BCAR1: variants seen among roughly 807,000 people sequenced by gnomAD.
BCAR1 encodes BCAR1 scaffold protein, Cas family member.
In BCAR1, 30 loss-of-function variants were observed where a neutral mutation model predicts 67.6. That is an observed-to-expected ratio of 0.44 (90% CI 0.33 to 0.60). The LOEUF is 0.60. BCAR1 is among the 20% of genes least tolerant of loss of function. The probability of loss-of-function intolerance (pLI) is 0.02; values close to 1 mark genes in which losing one functional copy is unlikely to be tolerated. For synonymous variants in BCAR1, 626 were observed against 556.7 expected, an observed-to-expected ratio of 1.12 and a Z score of -1.75; for missense variants, 1,313 against 1,222.3, an observed-to-expected ratio of 1.07 and a Z score of -1.11.
At position 75,259,552 on chromosome 16, in the gene BCAR1, C is replaced by A. The variant is rs374360985; in HGVS notation, c.66+8363G>T. On this transcript the variant is annotated intron_variant, in intron 1 of 6. Transcript: ENST00000393422. ...CATCCATTACTGGAACATTACTCAG[C>A]AACAAAAAAGAATAAACTGGCCGGG... Among the ~76,000 whole-genome samples the A allele has an allele frequency of 3.3e-5, 5 of 152,206 alleles. No homozygotes were observed. The East Asian group carries it at 7.7e-4, about 24-fold the overall frequency.
At chr16:75,257,155 T>C (rs1252275298) in intron 1 of BCAR1, among the ~76,000 whole-genome samples, 1 of 152,148 alleles carries the variant, frequency 6.6e-6, no homozygotes, top group Non-Finnish European at 1.5e-5. Context: ...TGGGCAGGGA[T>C]GAGGGTGTGG....
At chr16:75,246,772 G>GC (rs1365354164) in intron 1 of BCAR1, 1 of 152,376 alleles carries the variant, frequency 6.6e-6, no homozygotes, top group Non-Finnish European at 1.5e-5. Flanking sequence ...CGGAACCCCT[G>GC]CCATGCTTCA....
At chr16:75,250,679 C>A in intron 1 of BCAR1, 2 of 985,522 alleles carry the variant, frequency 2.0e-6, no homozygotes, top group Non-Finnish European at 2.4e-6. Flanking sequence ...CTCGGTCCAG[C>A]GATCAGCCTC....
chr16:75,248,081 G>A (rs1178445525), intron 1 of BCAR1: 2 of 1,589,368 alleles, frequency 1.3e-6, no homozygotes, highest in Admixed American at 3.3e-5. Flanking sequence ...GGAAAACCAA[G>A]GCTCAGAAGC....
chr16:75,235,195 G>T lies in BCAR1; in HGVS notation c.1704C>A (p.Gly568=). 1 of 1,607,972 alleles carries T rather than the reference G, an allele frequency of 6.2e-7. No homozygotes were observed. The highest frequency in any genetic ancestry group is 8.5e-7 in the Non-Finnish European group (1 of 1,178,490). ...HGQALDAGRG[G]SGATLEDLDR... is the part of the protein sequence containing the mutation. Reference sequence around the variant, plus strand: ...CCAGGTCCTCAAGGGTGGCTCCAGAGCCTCCCCGGCCAGCGTCGAGGGCCT... The same window carrying T: ...CCAGGTCCTCAAGGGTGGCTCCAGATCCTCCCCGGCCAGCGTCGAGGGCCT... Residue 568 remains glycine (G), a synonymous_variant, in exon 5 of 7, where the codon GGC becomes GGA. Transcript: ENST00000162330.
In BCAR1 at chr16:75,229,570, C is replaced by T; in HGVS notation, c.2554G>A (p.Glu852Lys). The T allele has an allele frequency of 6.2e-7, 1 of 1,609,430 alleles. No individual in the cohort carries two copies. Among genetic ancestry groups the T allele is most frequent in the Non-Finnish European group, 8.5e-7 (1 of 1,178,862 alleles). ...AACTGCTGGGTGCTGTGGCCCAGCT[C>T]CTTGACCCTCTCCACCATGTCCTGG... The part of the protein sequence containing the change: ...AAQDMVERVK[E>K]LGHSTQQFRR... Residue 852 changes from glutamate (E) to lysine (K), a missense_variant, in exon 7 of 7, where the codon GAG becomes AAG. Glu to Lys is a moderately conservative substitution (Grantham distance 56). This residue lies in a region of BCAR1 where 1,272 missense variants were observed against 1,137.5 expected (regional missense o/e 1.12). Coordinates refer to ENST00000162330, the MANE Select transcript of BCAR1 (RefSeq NM_014567.5).
At chr16:75,259,655 A>C (rs2077854781) in intron 1 of BCAR1, among the ~76,000 whole-genome samples, 1 of 151,896 alleles carries the variant, frequency 6.6e-6, no homozygotes, top group Non-Finnish European at 1.5e-5. Flanking sequence ...GATTGAGACC[A>C]TCCTGGCTAA....
chr16:75,240,272 C>T (rs1210662516), intron 2 of BCAR1, among the ~76,000 whole-genome samples: 2 of 152,212 alleles, frequency 1.3e-5, no homozygotes, highest in South Asian at 4.1e-4. Flanking sequence ...AACTGGGAGA[C>T]TCAGTTTCCC....
chr16:75,260,310 C>A (rs146545936), intron 1 of BCAR1, among the ~76,000 whole-genome samples: 5 of 152,066 alleles, frequency 3.3e-5, no homozygotes, highest in Non-Finnish European at 7.4e-5. Flanking sequence ...TATTTTGATT[C>A]GATTGATGGC....
Position 75,237,185 on chromosome 16 carries a change from C to T in BCAR1, c.793G>A (p.Glu265Lys). 1.9e-6 allele frequency: 3 copies of T among 1,572,800 alleles called. No homozygotes were observed. Among genetic ancestry groups the T allele is most frequent in the Non-Finnish European group, 2.6e-6 (3 of 1,161,746 alleles). ...ACCGCTGCGCACCCCACACCTACCT[C>T]CTGGCCATACTGGCTGGGAAGCAGC... is the stretch of plus-strand genomic sequence containing the variant. ...RGLLPSQYGQEVYDTPPMAVK... is the reference protein window; with the variant it reads ...RGLLPSQYGQKVYDTPPMAVK... The change falls in exon 3 of 7, where the codon GAG becomes AAG. Residue 265 changes from glutamate to lysine, a missense_variant and splice_region_variant. Glu to Lys is a moderately conservative substitution (Grantham distance 56, BLOSUM62 1). Around this residue, in one of 2 missense-constraint regions of BCAR1, gnomAD observed 1,272 missense variants for 1,137.5 expected, o/e 1.12. Transcript: ENST00000162330.
intron 5 of BCAR1, among the ~76,000 whole-genome samples, 199 bp from the exon 6 acceptor site, chr16:75,234,134 C>T (rs528049161): frequency 6.6e-6 from 1 of 150,924 alleles, no homozygotes; most frequent in Non-Finnish European, 1.5e-5. Context: ...AACACACACA[C>T]AGACTGGCAC....
At chr16:75,238,930 C>A (rs1020704600) in intron 2 of BCAR1, 18 of 985,394 alleles carry the variant, frequency 1.8e-5, no homozygotes, top group Non-Finnish European at 2.2e-5. Context: ...CAGCCAGGAC[C>A]CAGCACCAGC....
chr16:75,237,965 CCT>C, intron 2 of BCAR1: 1 of 1,172,370 alleles, frequency 8.5e-7, no homozygotes, highest in Middle Eastern at 2.4e-4. Flanking sequence ...ACCAAGGCCC[CCT>C]CCCTGCCGCG....
chr16:75,245,782 G>T (rs1219045507), intron 1 of BCAR1, among the ~76,000 whole-genome samples: 1 of 151,954 alleles, frequency 6.6e-6, no homozygotes, highest in African/African-American at 2.4e-5. Context: ...CAGCTGGCCA[G>T]GGCCCCCGCC....
At chr16:75,256,480 G>A (rs2077779466), upstream of BCAR1, among the ~76,000 whole-genome samples, 1 of 151,556 alleles carries the variant, frequency 6.6e-6, no homozygotes, top group Non-Finnish European at 1.5e-5. Context: ...CAAGGTGTGT[G>A]GGCAGAGCTG....
In BCAR1 at chr16:75,245,957, G is replaced by T. The variant is rs1313200713; in HGVS notation, c.13-2867C>A. ...CTGGATGACAGCCCTCATTTCATAG[G>T]ATTGTTCTTTTTTTTTTTTTTTTTT... On this transcript the variant is annotated intron_variant, in intron 1 of 6. Transcript: ENST00000162330. 4.3e-5 allele frequency: 3 copies of T among 69,050 alleles called. 1 individual carries two copies. Among genetic ancestry groups the T allele is most frequent in the African/African-American group, 1.5e-4 (3 of 19,576 alleles). 4.3% of individuals were successfully genotyped at this position (69,050 alleles called of 1,614,324 possible). A position where few individuals can be genotyped will look rare whatever the true frequency, so the allele number is the denominator to read the frequency against.
At chr16:75,245,961 GTTC>G (rs1218784747) in intron 1 of BCAR1, 65 of 27,014 alleles carry the variant, frequency 2.4e-3, no homozygotes, top group African/African-American at 6.1e-3. Context: ...TCATAGGATT[GTTC>G]TTTTTTTTTT....
At chr16:75,255,116 G>A, upstream of BCAR1, among the ~76,000 whole-genome samples, 1 of 152,238 alleles carries the variant, frequency 6.6e-6, no homozygotes, top group Non-Finnish European at 1.5e-5. Flanking sequence ...ATAGCTTGCA[G>A]CTATTAGATG....
intron 1 of BCAR1, chr16:75,266,449 G>T: frequency 3.3e-6 from 1 of 305,446 alleles, no homozygotes. Context: ...GGAGGATCCT[G>T]TGTCCCTGTA....
Sources: allele counts gnomAD v4.1 joint callset (sites outside exome capture counted in the v4.1 genomes callset), GRCh38; gene constraint gnomAD v4.1.1; regional missense constraint gnomAD v4.1.1; transcripts MANE v1.5; gene names NCBI Gene and HGNC (gene_info 2026-07-23, HGNC 2026-07-21).